KCNQ5: variants seen among roughly 807,000 people sequenced by gnomAD.
KCNQ5 encodes potassium voltage-gated channel subfamily Q member 5, also known as potassium voltage-gated channel subfamily KQT member 5.
A neutral mutation model predicts 98.2 loss-of-function variants in KCNQ5; 30 were observed. The ratio of observed to expected loss-of-function variants is 0.31; its 90% CI spans 0.23 to 0.41. The LOEUF (loss-of-function observed/expected upper bound fraction) is 0.41. KCNQ5 is among the 10% of genes least tolerant of loss of function. KCNQ5 has a pLI of 1.00. For missense variants in KCNQ5, 835 were observed against 1,182.5 expected, an observed-to-expected ratio of 0.71 and a Z score of 4.31; for synonymous variants, 458 against 449.4, an observed-to-expected ratio of 1.02 and a Z score of -0.24.
chr6:73,195,418 C>A lies in KCNQ5; in HGVS notation c.*4C>A. 4 of 1,608,504 alleles carry A rather than the reference C, an allele frequency of 2.5e-6. No individual in the cohort carries two copies. The highest frequency in any genetic ancestry group is 2.2e-5 in the South Asian group (2 of 90,976). ...GCCTCATGTCAAACTGAAATAAGTT[C>A]TTCATTTTCTTTCCAGGCATAGCAG... On this transcript the variant is annotated 3_prime_UTR_variant, in exon 14 of 14. Coordinates refer to ENST00000370398, the MANE Select transcript of KCNQ5 (RefSeq NM_019842.4).
intron 1 of KCNQ5, among the ~76,000 whole-genome samples, chr6:72,641,316 C>T (rs1427383668): frequency 2.0e-5 from 3 of 152,148 alleles, no homozygotes; most frequent in African/African-American, 7.2e-5. Flanking sequence ...CACACACACA[C>T]ACAAAAATAC....
chr6:72,880,866 G>T (rs1778609589), intron 1 of KCNQ5, among the ~76,000 whole-genome samples: 1 of 151,912 alleles, frequency 6.6e-6, no homozygotes, highest in African/African-American at 2.4e-5. Flanking sequence ...TTGTCTTATT[G>T]CTTTTACTAG....
chr6:72,867,400 C>T (rs1473052526), intron 1 of KCNQ5, among the ~76,000 whole-genome samples: 2 of 152,158 alleles, frequency 1.3e-5, no homozygotes, highest in African/African-American at 2.4e-5. Flanking sequence ...AAAAGAAACA[C>T]AGAATGTTGT....
chr6:73,062,203 A>G (rs990465455), intron 3 of KCNQ5, among the ~76,000 whole-genome samples: 2 of 152,176 alleles, frequency 1.3e-5, no homozygotes, highest in African/African-American at 2.4e-5. Context: ...GGCTTCATCT[A>G]TGTTTCTCCC....
At chr6:72,792,151 T>C (rs1035739777) in intron 1 of KCNQ5, among the ~76,000 whole-genome samples, 2 of 152,218 alleles carry the variant, frequency 1.3e-5, no homozygotes, top group African/African-American at 4.8e-5. Context: ...TCTATAATTA[T>C]GGAGAAAGTC....
intron 1 of KCNQ5, among the ~76,000 whole-genome samples, chr6:72,834,550 G>GTT (rs142832906): frequency 0.065 from 9,845 of 152,180 alleles, 423 homozygotes; most frequent in Non-Finnish European, 0.094. Context: ...ACTTGTCAGG[G>GTT]TTTACCCAAA....
At chr6:72,678,282 A>G (rs867684048) in intron 1 of KCNQ5, 1 of 152,218 alleles carries the variant, frequency 6.6e-6, no homozygotes, top group South Asian at 2.1e-4. Flanking sequence ...TGTGCCAAAC[A>G]TCATATTAAA....
chr6:72,996,494 G>GCTACTTT (rs1769304548), intron 1 of KCNQ5, among the ~76,000 whole-genome samples: 1 of 152,172 alleles, frequency 6.6e-6, no homozygotes, highest in Non-Finnish European at 1.5e-5. Context: ...TTTACTCCTA[G>GCTACTTT]TTAAAGTAAT....
At chr6:72,982,670 T>C (rs1195617744) in intron 1 of KCNQ5, among the ~76,000 whole-genome samples, 4 of 152,188 alleles carry the variant, frequency 2.6e-5, no homozygotes, top group Non-Finnish European at 5.9e-5. Flanking sequence ...TTATCCCATT[T>C]ACATTTAAGG....
At chr6:72,966,598 A>G (rs6924579) in intron 1 of KCNQ5, among the ~76,000 whole-genome samples, 13,329 of 151,966 alleles carry the variant, frequency 0.088, 1,116 homozygotes, top group African/African-American at 0.22. Context: ...GAGAGAGAGA[A>G]AAAAAAGAAA....
chr6:73,017,377 A>T (rs1458962249), intron 2 of KCNQ5, among the ~76,000 whole-genome samples: 1 of 152,192 alleles, frequency 6.6e-6, no homozygotes, highest in Non-Finnish European at 1.5e-5. Flanking sequence ...TGGAGATTAC[A>T]AATGAGATGA....
At chr6:72,797,792 G>T (rs747280474) in intron 1 of KCNQ5, among the ~76,000 whole-genome samples, 3 of 151,956 alleles carry the variant, frequency 2.0e-5, no homozygotes, top group Non-Finnish European at 4.4e-5. Flanking sequence ...AGTATTTTGA[G>T]CAGGAAAAAA....
intron 1 of KCNQ5, among the ~76,000 whole-genome samples, chr6:72,927,320 T>TG (rs1228054352): frequency 3.3e-5 from 5 of 152,244 alleles, no homozygotes; most frequent in Middle Eastern, 3.4e-3. Context: ...AGCTTCAAAT[T>TG]TTTTTCAGAA....
chr6:72,736,381 C>CA (rs1189988776), intron 1 of KCNQ5, among the ~76,000 whole-genome samples: 8 of 146,904 alleles, frequency 5.4e-5, no homozygotes, highest in African/African-American at 1.3e-4. Context: ...ATTACATTGA[C>CA]AAAAAAAGAT....
chr6:73,013,831 A>G lies in KCNQ5; in HGVS notation c.489+9833A>G, dbSNP rs113537946. On this transcript the variant is annotated intron_variant, in intron 2 of 13. Transcript: ENST00000370398. ...GCTTCTTTTTGTTCCATATATGCCA[A>G]ATAAGGCTTACAACACTTTTACTTA... Among the ~76,000 whole-genome samples, 517 of 152,270 alleles carry G rather than the reference A, an allele frequency of 3.4e-3. 5 individuals are homozygous for G. Among genetic ancestry groups the G allele is most frequent in the Non-Finnish European group, 5.0e-3 (342 of 67,994 alleles).
Position 73,027,378 on chromosome 6 carries a change from A to C in KCNQ5, c.490-14558A>C, listed in dbSNP as rs180956356. On this transcript the variant is annotated intron_variant, in intron 2 of 13. Coordinates refer to ENST00000370398, the MANE Select transcript of KCNQ5 (RefSeq NM_019842.4). ...GTGGGACAGACCGACACGTATTTGC[A>C]TAGTAATTTGTACAGCTAGCTGTAG... 5.3e-5 allele frequency among the ~76,000 whole-genome samples: 8 copies of C among 152,332 alleles called. No individual in the cohort carries two copies. In the East Asian group the frequency reaches 1.3e-3, roughly 26 times the overall value.
At chr6:72,913,700 C>A (rs540794142) in intron 1 of KCNQ5, among the ~76,000 whole-genome samples, 1 of 152,114 alleles carries the variant, frequency 6.6e-6, no homozygotes, top group Non-Finnish European at 1.5e-5. Flanking sequence ...AAGGAAATAT[C>A]TTCTCTTCCC....
chr6:73,093,071 T>C (rs1050743429), intron 5 of KCNQ5, among the ~76,000 whole-genome samples: 4 of 152,126 alleles, frequency 2.6e-5, no homozygotes, highest in African/African-American at 9.7e-5. Flanking sequence ...TTAACTACCA[T>C]TTCAATCTCA....
At chr6:72,739,479 G>A (rs2982748) in intron 1 of KCNQ5, among the ~76,000 whole-genome samples, 151,456 of 152,340 alleles carry the variant, frequency 0.99, 75,299 homozygotes, top group Middle Eastern at 1. Flanking sequence ...TGCTTATTTT[G>A]GTTTTACTCT....
Sources: allele counts gnomAD v4.1 joint callset (sites outside exome capture counted in the v4.1 genomes callset), GRCh38; gene constraint gnomAD v4.1.1; transcripts MANE v1.5; gene names NCBI Gene and HGNC (gene_info 2026-07-23, HGNC 2026-07-21).